Variants in TRPM3 observed in about 807,000 individuals in gnomAD.
TRPM3 encodes the protein long transient receptor potential channel 3.
Under a neutral mutation model 181.2 loss-of-function variants are expected in TRPM3, and 77 were observed. The observed-to-expected ratio is 0.42, with a 90% CI of 0.35 to 0.51. TRPM3 has a LOEUF of 0.51. TRPM3 is among the 20% of genes least tolerant of loss of function. TRPM3 has a pLI of 0.01. For synonymous variants in TRPM3, 745 were observed against 796.4 expected (o/e 0.94, Z 1.09); for missense variants, 1,759 against 2,196.7 (o/e 0.80, Z 3.98).
intron 1 of TRPM3, among the ~76,000 whole-genome samples, chr9:71,087,809 G>T (rs567240372): frequency 6.6e-6 from 1 of 152,114 alleles, no homozygotes; most frequent in East Asian, 1.9e-4. Context: ...AACTAATAAC[G>T]GACTTCAGCA....
intron 1 of TRPM3, among the ~76,000 whole-genome samples, chr9:71,210,645 A>G (rs2079435462): frequency 6.6e-6 from 1 of 152,214 alleles, no homozygotes; most frequent in Admixed American, 6.5e-5. Context: ...AGAGTAGGAT[A>G]CAGTTGCCCA....
At chr9:71,091,978 AT>A (rs1296204335) in intron 1 of TRPM3, among the ~76,000 whole-genome samples, 1 of 152,130 alleles carries the variant, frequency 6.6e-6, no homozygotes, top group East Asian at 1.9e-4. Context: ...TTATCTTTGT[AT>A]CTGTATCACT....
intron 9 of TRPM3, among the ~76,000 whole-genome samples, chr9:70,664,661 T>G (rs960742333): frequency 0.012 from 1,500 of 129,144 alleles, 48 homozygotes; most frequent in African/African-American, 0.042. Flanking sequence ...TTTTTTTTTT[T>G]TTTTTTTGAG....
chr9:70,967,432 C>T (rs2097196843), intron 1 of TRPM3, among the ~76,000 whole-genome samples: 1 of 151,732 alleles, frequency 6.6e-6, no homozygotes, highest in African/African-American at 2.4e-5. Context: ...CAGAAAAAGC[C>T]CATGCATACA....
intron 1 of TRPM3, among the ~76,000 whole-genome samples, chr9:70,888,165 C>T (rs1257690903): frequency 2.0e-5 from 3 of 152,084 alleles, no homozygotes; most frequent in Non-Finnish European, 4.4e-5. Flanking sequence ...TTTGGCTATC[C>T]CCAAGTCACT....
chr9:70,906,206 G>T (rs765945346), intron 1 of TRPM3, among the ~76,000 whole-genome samples: 4 of 151,704 alleles, frequency 2.6e-5, no homozygotes, highest in Non-Finnish European at 5.9e-5. Context: ...GAATTTATCA[G>T]CTATTTCCTA....
In TRPM3 at chr9:70,536,073, G is replaced by A. The variant is rs764469986; in HGVS notation, c.5040C>T (p.Ser1680=). The change falls in exon 26 of 26, where the codon AGC becomes AGT. Residue 1680 remains serine, a synonymous_variant. Transcript: ENST00000677713. ...TGCTTCTCTGGAAGGGATTTCGCAG[G>A]CTTGCTGTGTTCCGCTGCCTGTCGA... is the stretch of plus-strand genomic sequence containing the variant. ...DKLDRQRNTA[S]LRNPFQRSKS... 232 of 1,614,116 alleles carry A rather than the reference G, an allele frequency of 1.4e-4. No homozygotes were observed. The highest frequency in any genetic ancestry group is 1.9e-4 in the Non-Finnish European group (229 of 1,180,044).
At chr9:71,161,771 T>C (rs1003806358) in intron 1 of TRPM3, among the ~76,000 whole-genome samples, 1 of 152,172 alleles carries the variant, frequency 6.6e-6, no homozygotes, top group African/African-American at 2.4e-5. Flanking sequence ...TGCTACATTC[T>C]AGTAAACCTA....
chr9:70,882,233 C>T (rs997937534), intron 1 of TRPM3, among the ~76,000 whole-genome samples: 5 of 152,130 alleles, frequency 3.3e-5, no homozygotes, highest in African/African-American at 1.2e-4. Flanking sequence ...TGTTACATGC[C>T]TATGGTGTCA....
chr9:70,611,417 T>C (rs2061981745), intron 18 of TRPM3, among the ~76,000 whole-genome samples: 1 of 152,112 alleles, frequency 6.6e-6, no homozygotes. Flanking sequence ...TCATGAGAAC[T>C]GATGGTTTTA....
chr9:70,959,478 C>G (rs907439736), intron 1 of TRPM3, among the ~76,000 whole-genome samples: 1 of 151,134 alleles, frequency 6.6e-6, no homozygotes, highest in Non-Finnish European at 1.5e-5. Flanking sequence ...GAAAAAGCAC[C>G]AAAAAAGAAA....
chr9:70,555,307 T>C (rs1167724607), intron 22 of TRPM3, among the ~76,000 whole-genome samples: 2 of 152,152 alleles, frequency 1.3e-5, no homozygotes, highest in African/African-American at 4.8e-5. Flanking sequence ...GTATCTTCCT[T>C]ACAATCCCAG....
intron 1 of TRPM3, among the ~76,000 whole-genome samples, chr9:71,413,200 A>G (rs2093586908): frequency 6.6e-6 from 1 of 152,142 alleles, no homozygotes; most frequent in South Asian, 2.1e-4. Flanking sequence ...TACATATGTA[A>G]CAAACCTGCA....
chr9:71,204,154 A>C (rs1419437528), intron 1 of TRPM3, among the ~76,000 whole-genome samples: 2 of 151,346 alleles, frequency 1.3e-5, no homozygotes, highest in Admixed American at 6.6e-5. Flanking sequence ...AGGCATGGGC[A>C]AGGACTTCAT....
rs1180575097 is a variant in TRPM3 at position 70,640,660 on chromosome 9, C to T, written c.1346G>A (p.Gly449Glu). The T allele has an allele frequency of 6.2e-7, 1 of 1,612,596 alleles. No individual in the cohort carries two copies. Among genetic ancestry groups the T allele is most frequent in the Non-Finnish European group, 8.5e-7 (1 of 1,179,136 alleles). The part of the protein sequence containing the change: ...DLAILTALLK[G>E]ANASAPDQLS... Reference sequence around the variant, plus strand: ...TTGGTCTGGGGCCGAGGCATTGGCTCCTGTGTGAGGACAAGTGGGAGAAAA... The same window carrying T: ...TTGGTCTGGGGCCGAGGCATTGGCTTCTGTGTGAGGACAAGTGGGAGAAAA... Residue 449 changes from glycine (G) to glutamate (E), a missense_variant and splice_region_variant, in exon 10 of 26, where the codon GGA becomes GAA. By Grantham distance (98) the Gly-to-Glu change is moderately conservative. Coordinates refer to ENST00000677713, the MANE Select transcript of TRPM3 (RefSeq NM_001366145.2).
chr9:70,824,856 G>C (rs1215623188), intron 6 of TRPM3: 1 of 152,232 alleles, frequency 6.6e-6, no homozygotes, highest in African/African-American at 2.4e-5. Context: ...GTTAAGACCA[G>C]GTCCGCTTTT....
intron 1 of TRPM3, among the ~76,000 whole-genome samples, chr9:71,034,416 G>A (rs1384707706): frequency 6.6e-6 from 1 of 152,148 alleles, no homozygotes; most frequent in African/African-American, 2.4e-5. Flanking sequence ...AAAAAGAGAG[G>A]TGAATATTTC....
chr9:71,227,108 CAA>C (rs368727383), intron 1 of TRPM3, among the ~76,000 whole-genome samples: 65 of 40,172 alleles, frequency 1.6e-3, no homozygotes, highest in African/African-American at 5.3e-3. Flanking sequence ...TACTTCATCT[CAA>C]AAAAAAAAAA....
At chr9:70,962,347 A>G (rs1012812144) in intron 1 of TRPM3, among the ~76,000 whole-genome samples, 4 of 152,070 alleles carry the variant, frequency 2.6e-5, no homozygotes, top group African/African-American at 7.2e-5. Context: ...ATATTATAGG[A>G]TCTGCCTGTA....
Sources: gnomAD v4.1 joint callset for allele counts (sites outside exome capture counted in the v4.1 genomes callset) on GRCh38, gnomAD v4.1.1 for gene constraint, MANE v1.5 for transcripts, NCBI Gene and HGNC (gene_info 2026-07-23, HGNC 2026-07-21) for gene names.